RRBP1: variants seen among roughly 807,000 people sequenced by gnomAD.
RRBP1 encodes ribosome-binding protein 1.
RRBP1 carries 94 observed loss-of-function variants against 165.2 expected under a neutral mutation model. The ratio of observed to expected loss-of-function variants is 0.57; its 90% CI spans 0.48 to 0.68. The LOEUF (loss-of-function observed/expected upper bound fraction) is 0.68, where lower values mean the gene tolerates loss of function less well. Ranked by LOEUF, RRBP1 falls within the 30% of genes least tolerant of loss-of-function variation. The pLI is 0.00. For synonymous variants in RRBP1, 680 were observed against 714.5 expected (o/e 0.95, Z 0.77); for missense variants, 1,676 against 1,763.0 (o/e 0.95, Z 0.88).
At chr20:17,668,672 G>T (rs2036915564) in intron 2 of RRBP1, among the ~76,000 whole-genome samples, 1 of 152,238 alleles carries the variant, frequency 6.6e-6, no homozygotes, top group Non-Finnish European at 1.5e-5. Flanking sequence ...CCCATGGAGG[G>T]TACAGCCCTT....
chr20:17,677,687 A>C (rs1346420384), intron 2 of RRBP1, among the ~76,000 whole-genome samples: 1 of 152,138 alleles, frequency 6.6e-6, no homozygotes, highest in East Asian at 1.9e-4. Context: ...TAAAAATACA[A>C]AATTAGCCGG....
At chr20:17,681,841 C>CACCCCCGCCCCGAGTCCG (rs1230951842) in intron 1 of RRBP1, among the ~76,000 whole-genome samples, 187 bp downstream of exon 1, 2 of 148,682 alleles carry the variant, frequency 1.3e-5, no homozygotes, top group African/African-American at 4.8e-5. Flanking sequence ...GCTTGCCCGG[C>CACCCCCGCCCCGAGTCCG]ACCCCCGCCC....
Position 17,660,286 on chromosome 20 carries a change from T to C in RRBP1, c.222A>G (p.Lys74=). The C allele has an allele frequency of 6.2e-7, 1 of 1,605,966 alleles. No homozygotes were observed. Among genetic ancestry groups the C allele is most frequent in the Non-Finnish European group, 8.5e-7 (1 of 1,175,352 alleles). ...KTVEKKGKTK[K]KEEKPNGKIP... is the part of the protein sequence containing the mutation. ...TCTTCCCATTAGGTTTCTCTTCCTT[T>C]TTCTTGGTCTTTCCTTTCTTCTCCA... The change falls in exon 3 of 25, where the codon AAA becomes AAG. Residue 74 remains lysine (K), a synonymous_variant. Transcript: ENST00000377813.
chr20:17,627,300 C>T lies in RRBP1; in HGVS notation c.2963+48G>A, dbSNP rs778942357. The T allele has an allele frequency of 6.9e-6, 11 of 1,603,614 alleles. No individual in the cohort carries two copies. In the South Asian group the frequency reaches 1.1e-4, roughly 16 times the overall value. On this transcript the variant is annotated intron_variant, in intron 11 of 24. Transcript: ENST00000377813. ...CCTGGCCCCCCAAGGGTCTTTGGTCCCCCGGGCTGAGGCTCAAGTGAGCAG... is the reference window on the plus strand; with the variant it reads ...CCTGGCCCCCCAAGGGTCTTTGGTCTCCCGGGCTGAGGCTCAAGTGAGCAG...
chr20:17,651,533 A>G (rs1175791845), intron 3 of RRBP1, among the ~76,000 whole-genome samples: 1 of 152,232 alleles, frequency 6.6e-6, no homozygotes, highest in African/African-American at 2.4e-5. Flanking sequence ...TGAATGTGGC[A>G]GTTTCGCAGG....
chr20:17,664,265 G>A (rs541613149), intron 2 of RRBP1, among the ~76,000 whole-genome samples: 7 of 152,198 alleles, frequency 4.6e-5, no homozygotes, highest in Non-Finnish European at 1.0e-4. Flanking sequence ...CACAGACGGC[G>A]TGAATCCACT....
intron 9 of RRBP1, among the ~76,000 whole-genome samples, chr20:17,628,708 G>C (rs778567708): frequency 6.6e-6 from 1 of 152,218 alleles, no homozygotes; most frequent in Non-Finnish European, 1.5e-5. Context: ...TCCCACCTCC[G>C]GGCCCTGTGC....
At chr20:17,630,786 G>A (rs1345864499) in intron 8 of RRBP1, among the ~76,000 whole-genome samples, 2 of 152,228 alleles carry the variant, frequency 1.3e-5, no homozygotes, top group Non-Finnish European at 2.9e-5. Flanking sequence ...AGCTTGTCTG[G>A]GGGCAGAACC....
chr20:17,624,832 C>T (rs942612806), intron 12 of RRBP1, among the ~76,000 whole-genome samples, 164 bp from the exon 13 acceptor site: 1 of 152,214 alleles, frequency 6.6e-6, no homozygotes, highest in South Asian at 2.1e-4. Flanking sequence ...ATGACCATGG[C>T]GCCTGAACAC....
chr20:17,649,931 C>T (rs1001032904), intron 3 of RRBP1, among the ~76,000 whole-genome samples: 51 of 152,130 alleles, frequency 3.4e-4, no homozygotes, highest in Non-Finnish European at 1.8e-4. Flanking sequence ...CTCCCAGATG[C>T]CTGTGTGCTA....
chr20:17,633,078 G>C (rs1434404823), intron 8 of RRBP1, among the ~76,000 whole-genome samples: 1 of 152,198 alleles, frequency 6.6e-6, no homozygotes, highest in Admixed American at 6.5e-5. Context: ...TTCAAATTCT[G>C]CTTCTGCCAT....
intron 5 of RRBP1, chr20:17,641,566 G>A: frequency 3.4e-6 from 2 of 585,102 alleles, no homozygotes; most frequent in Non-Finnish European, 6.1e-6. Context: ...CGTTCTTACA[G>A]CCACGAAGGA....
At chr20:17,656,036 A>G (rs2036639468) in intron 3 of RRBP1, among the ~76,000 whole-genome samples, 1 of 152,192 alleles carries the variant, frequency 6.6e-6, no homozygotes, top group Non-Finnish European at 1.5e-5. Context: ...GCACTTCAGG[A>G]GGGGACGTCT....
rs1347484109 is a variant in RRBP1, at chr20:17,614,076, G to T, written c.*106C>A. 2 of 1,123,678 alleles carry T rather than the reference G, an allele frequency of 1.8e-6. No individual in the cohort carries two copies. Among genetic ancestry groups the T allele is most frequent in the Non-Finnish European group, 2.7e-6 (2 of 739,922 alleles). The allele number at this position is 1,123,678 out of a possible 1,614,324, so 69.6% of individuals were successfully genotyped here. A position where few individuals can be genotyped will look rare whatever the true frequency, so the allele number is the denominator to read the frequency against. ...CTCATGGCTTCTCTCGGAGCTACCGGAAGTTGGGCCTGGATAACGCTGTGT... is the reference window on the plus strand; with the variant it reads ...CTCATGGCTTCTCTCGGAGCTACCGTAAGTTGGGCCTGGATAACGCTGTGT... On this transcript the variant is annotated 3_prime_UTR_variant, in exon 25 of 25. Coordinates refer to ENST00000377813, the MANE Select transcript of RRBP1 (RefSeq NM_001365613.2).
chr20:17,622,058 C>A, intron 13 of RRBP1, 111 bp from the exon 14 acceptor site: 1 of 772,642 alleles, frequency 1.3e-6, no homozygotes, highest in East Asian at 2.5e-5. Flanking sequence ...GGCACATCCT[C>A]AGCTCTTCAG....
At chr20:17,631,093 T>C (rs533580223) in intron 8 of RRBP1, among the ~76,000 whole-genome samples, 67 of 152,346 alleles carry the variant, frequency 4.4e-4, no homozygotes, top group Non-Finnish European at 7.3e-4. Context: ...CATTAGAACG[T>C]AGCAGGGGAT....
intron 8 of RRBP1, among the ~76,000 whole-genome samples, chr20:17,630,288 G>A (rs1600737650): frequency 6.6e-6 from 1 of 152,146 alleles, no homozygotes; most frequent in East Asian, 1.9e-4. Flanking sequence ...GTAAACTAGC[G>A]ACATTTCCCA....
intron 2 of RRBP1, among the ~76,000 whole-genome samples, chr20:17,675,749 G>A (rs1404766860): frequency 2.0e-5 from 3 of 152,258 alleles, no homozygotes; most frequent in South Asian, 2.1e-4. Context: ...GGAGATGGTA[G>A]GAGTGAAGCT....
rs1247957217 is a variant in RRBP1, at chr20:17,627,681, C to G, written c.2751G>C (p.Glu917Asp). Residue 917 changes from glutamate (E) to aspartate (D), a missense_variant and splice_region_variant, in exon 10 of 25, where the codon GAG (glutamate) becomes GAC (aspartate). Coordinates refer to ENST00000377813, the MANE Select transcript of RRBP1 (RefSeq NM_001365613.2). ...CGGAGGACTGTAACTTGCTGTGCAG[C>G]TCTGGTGCAGAGGAAGGGAAACGAG... ...KAQEQQQQMA[E>D]LHSKLQSSEA... 4 of 1,592,254 alleles carry G rather than the reference C, an allele frequency of 2.5e-6. No homozygotes were observed. The highest frequency in any genetic ancestry group is 2.2e-5 in the East Asian group (1 of 44,500).
Sources: gnomAD v4.1 joint callset for allele counts (sites outside exome capture counted in the v4.1 genomes callset) on GRCh38, gnomAD v4.1.1 for gene constraint, MANE v1.5 for transcripts, NCBI Gene and HGNC (gene_info 2026-07-23, HGNC 2026-07-21) for gene names.